Variants in TSPAN4 observed in about 807,000 individuals in gnomAD.
TSPAN4 encodes tetraspanin-4.
TSPAN4 carries 38 observed loss-of-function variants against 31.5 expected under a neutral mutation model. The ratio of observed to expected loss-of-function variants is 1.21; its 90% CI spans 0.93 to 1.58. The LOEUF is 1.58. TSPAN4 is among the 40% of genes most tolerant of loss of function. TSPAN4 has a pLI of 0.00. For synonymous variants in TSPAN4, 186 were observed against 144.6 expected, an observed-to-expected ratio of 1.29 and a Z score of -2.06; for missense variants, 330 against 317.3, an observed-to-expected ratio of 1.04 and a Z score of -0.30.
intron 3 of TSPAN4, among the ~76,000 whole-genome samples, chr11:851,921 G>A (rs1037237484): frequency 1.3e-5 from 2 of 152,004 alleles, no homozygotes; most frequent in African/African-American, 2.4e-5. Context: ...AAAGAAGAGG[G>A]TCCTTTCCCA....
At chr11:864,624 G>A in intron 5 of TSPAN4, 113 bp downstream of exon 5, 5 of 1,381,034 alleles carry the variant, frequency 3.6e-6, no homozygotes, top group Non-Finnish European at 5.1e-6. Flanking sequence ...GCCCTCACGG[G>A]CAGCCAGGAC....
chr11:854,323 C>CGG (rs1847924295), intron 3 of TSPAN4, among the ~76,000 whole-genome samples: 2 of 152,254 alleles, frequency 1.3e-5, no homozygotes, highest in South Asian at 4.1e-4. Context: ...GCTGGGGGAC[C>CGG]GGGTGGGGGT....
At chr11:845,719 A>G (rs1361436984) in intron 1 of TSPAN4, among the ~76,000 whole-genome samples, 2 of 151,690 alleles carry the variant, frequency 1.3e-5, no homozygotes, top group Admixed American at 1.3e-4. Context: ...TAAATACCCA[A>G]CAGTGCAGGA....
chr11:860,579 G>A (rs940742575), intron 3 of TSPAN4, among the ~76,000 whole-genome samples: 2 of 152,200 alleles, frequency 1.3e-5, no homozygotes, highest in African/African-American at 2.4e-5. Context: ...CCTGTCTTGA[G>A]CTGGGCTGGT....
intron 3 of TSPAN4, among the ~76,000 whole-genome samples, chr11:851,152 C>T (rs1015308935): frequency 6.6e-6 from 1 of 152,218 alleles, no homozygotes; most frequent in Non-Finnish European, 1.5e-5. Context: ...AGGATTCCCA[C>T]CTGGCCAGGT....
chr11:862,501 T>G, intron 3 of TSPAN4, 49 bp from the exon 4 acceptor site: 1 of 1,511,860 alleles, frequency 6.6e-7, no homozygotes, highest in Non-Finnish European at 8.9e-7. Context: ...GTCCAGAGCT[T>G]GCATTGGGGC....
At chr11:850,493 C>T (rs1847616236) in intron 3 of TSPAN4, 126 bp downstream of exon 3, 11 of 791,076 alleles carry the variant, frequency 1.4e-5, no homozygotes, top group South Asian at 1.1e-4. Context: ...GGGGATGGTC[C>T]CGGGAGGACC....
chr11:852,135 C>T (rs776341961), intron 3 of TSPAN4, among the ~76,000 whole-genome samples: 5 of 152,142 alleles, frequency 3.3e-5, no homozygotes, highest in African/African-American at 1.2e-4. Flanking sequence ...TCTTTTTTAT[C>T]TTTGTTTTTT....
intron 3 of TSPAN4, among the ~76,000 whole-genome samples, chr11:855,665 G>A (rs1235618565): frequency 6.6e-6 from 1 of 152,198 alleles, no homozygotes; most frequent in African/African-American, 2.4e-5. Flanking sequence ...TGGGGATGTG[G>A]AAACAGGACG....
chr11:855,416 G>A (rs1036706748), intron 3 of TSPAN4, among the ~76,000 whole-genome samples: 6 of 152,350 alleles, frequency 3.9e-5, no homozygotes, highest in Admixed American at 2.0e-4. Context: ...CCACAGCCCC[G>A]CTGGGTCACA....
Position 854,544 on chromosome 11 carries a change from G to A in TSPAN4, c.63+4177G>A, listed in dbSNP as rs113993866. On this transcript the variant is annotated intron_variant, in intron 3 of 8. Coordinates refer to ENST00000397397, the MANE Select transcript of TSPAN4 (RefSeq NM_003271.5). ...CCCCCAGGTGGGCAGTGTGAGTCTC[G>A]GAGCCAGGTGGTCCAGGGCCCCAGC... Among the ~76,000 whole-genome samples, 310 of 152,292 alleles carry A rather than the reference G, an allele frequency of 2.0e-3. 5 individuals are homozygous for A. The highest frequency in any genetic ancestry group is 7.2e-3 in the African/African-American group (299 of 41,562).
chr11:864,146 C>T lies in TSPAN4; in HGVS notation c.256-291C>T, dbSNP rs1175724137. 5 of 521,420 alleles carry T rather than the reference C, an allele frequency of 9.6e-6. No homozygotes were observed. The East Asian group carries it at 9.6e-5, about 10-fold the overall frequency. 32.3% of individuals were successfully genotyped at this position (521,420 alleles called of 1,614,324 possible). A position where few individuals can be genotyped will look rare whatever the true frequency, so the allele number is the denominator to read the frequency against. On this transcript the variant is annotated intron_variant, in intron 4 of 8. Transcript: ENST00000397397. ...CCTCAGGAACAGGGATTTGTGCCCA[C>T]TTGGGGGTGTCTGGGTTGCCCCAGG...
intron 3 of TSPAN4, chr11:858,498 T>TG: frequency 5.9e-6 from 1 of 169,818 alleles, no homozygotes. Flanking sequence ...ACACACACCC[T>TG]GGCTCACATG....
At chr11:864,584 GC>G in intron 5 of TSPAN4, 73 bp downstream of exon 5, 1 of 1,576,680 alleles carries the variant, frequency 6.3e-7, no homozygotes, top group Non-Finnish European at 8.7e-7. Flanking sequence ...AGCACTGTGG[GC>G]CCGGTGTGGA....
At chr11:862,933 G>A (rs72847240) in intron 4 of TSPAN4, 192 bp downstream of exon 4, 2 of 615,394 alleles carry the variant, frequency 3.2e-6, no homozygotes, top group African/African-American at 3.7e-5. Context: ...GGGCTGGGGG[G>A]TGATTTGCAG....
chr11:864,504 C>T lies in TSPAN4; in HGVS notation c.323C>T (p.Thr108Met), dbSNP rs373247920. Residue 108 changes from threonine (T) to methionine (M), a missense_variant, in exon 5 of 9, where the codon ACG becomes ATG. By Grantham distance (81) the Thr-to-Met change is moderately conservative (BLOSUM62 -1). Transcript: ENST00000397397. ...ATIAILFFAY[T>M]DKIDRYAQQD... ...ATCGCCATCCTCTTCTTCGCCTACA[C>T]GGACAAGGTACGGCTGCCTTGGCCG... The T allele has an allele frequency of 2.8e-5, 45 of 1,612,384 alleles. No individual in the cohort carries two copies. In the Middle Eastern group the frequency reaches 4.9e-4, roughly 18 times the overall value.
chr11:853,977 G>T (rs1398854097), intron 3 of TSPAN4, among the ~76,000 whole-genome samples: 1 of 152,206 alleles, frequency 6.6e-6, no homozygotes, highest in Admixed American at 6.5e-5. Flanking sequence ...AATGGTGAGG[G>T]CGTGGGGGGC....
At chr11:865,486 C>T (rs1331661401) in intron 5 of TSPAN4, 27 bp from the exon 6 acceptor site, 5 of 1,580,840 alleles carry the variant, frequency 3.2e-6, no homozygotes, top group East Asian at 2.2e-5. Context: ...GTGGGAGGGG[C>T]CCTGCTGACC....
intron 5 of TSPAN4, 107 bp from the exon 6 acceptor site, chr11:865,406 C>G: frequency 9.3e-6 from 8 of 859,848 alleles, no homozygotes; most frequent in Non-Finnish European, 1.5e-5. Context: ...GCGGGGGACA[C>G]AAGACCAGGC....
Sources: gnomAD v4.1 joint callset for allele counts (sites outside exome capture counted in the v4.1 genomes callset) on GRCh38, gnomAD v4.1.1 for gene constraint, MANE v1.5 for transcripts, NCBI Gene and HGNC (gene_info 2026-07-23, HGNC 2026-07-21) for gene names.